The following ACTR3 variants were observed in gnomAD, a reference collection of about 807,000 sequenced individuals.
The protein encoded by ACTR3 is actin-related protein 3.
In ACTR3, 12 loss-of-function variants were observed where a neutral mutation model predicts 56.8. That is an observed-to-expected ratio of 0.21 (90% confidence interval 0.14 to 0.34). The LOEUF is 0.34. ACTR3 is among the 10% of genes least tolerant of loss of function. The probability of loss-of-function intolerance (pLI) is 1.00; values close to 1 mark genes in which losing one functional copy is unlikely to be tolerated. For synonymous variants in ACTR3, 162 were observed against 167.4 expected (o/e 0.97, Z 0.25); for missense variants, 282 against 512.5 (o/e 0.55, Z 4.34).
rs11538679 is a variant in ACTR3 at position 113,890,230 on chromosome 2, T to C, written c.-50T>C. The C allele has an allele frequency of 1.9e-6, 3 of 1,550,154 alleles. No individual in the cohort carries two copies. The highest frequency in any genetic ancestry group is 1.7e-4 in the Middle Eastern group (1 of 5,930). Reference sequence around the variant, plus strand: ...TCTCCCGCCGCCAATCTCTGGCCCCTAGCAGCACGGAGCAGACGGCGGCAG... The same window carrying C: ...TCTCCCGCCGCCAATCTCTGGCCCCCAGCAGCACGGAGCAGACGGCGGCAG... On this transcript the variant is annotated 5_prime_UTR_variant, in exon 1 of 12. Coordinates refer to ENST00000263238, the MANE Select transcript of ACTR3 (RefSeq NM_005721.5).
At chr2:113,904,768 T>G (rs1451571781) in intron 1 of ACTR3, 1 of 152,220 alleles carries the variant, frequency 6.6e-6, no homozygotes, top group African/African-American at 2.4e-5. Context: ...TGAAAGCACC[T>G]CAGTGCACTT....
intron 2 of ACTR3, among the ~76,000 whole-genome samples, chr2:113,915,406 CAT>C (rs1359534074): frequency 1.3e-5 from 2 of 152,144 alleles, no homozygotes; most frequent in Non-Finnish European, 2.9e-5. Flanking sequence ...GGACACTAGT[CAT>C]ATTGTATTAG....
chr2:113,956,349 A>G (rs2104633783), intron 11 of ACTR3, among the ~76,000 whole-genome samples: 1 of 151,940 alleles, frequency 6.6e-6, no homozygotes, highest in East Asian at 1.9e-4. Context: ...GAAGTAATTT[A>G]AATTTAATTG....
At chr2:113,895,272 T>G (rs987291810) in intron 1 of ACTR3, among the ~76,000 whole-genome samples, 2 of 152,130 alleles carry the variant, frequency 1.3e-5, no homozygotes, top group Non-Finnish European at 2.9e-5. Context: ...AGTATTATCT[T>G]TGTTTTATAG....
intron 1 of ACTR3, among the ~76,000 whole-genome samples, chr2:113,891,733 G>A (rs1191953530): frequency 1.3e-5 from 2 of 151,810 alleles, no homozygotes; most frequent in African/African-American, 4.8e-5. Context: ...TAGCTAGTGT[G>A]GCAGTTTCTA....
intron 5 of ACTR3, chr2:113,933,919 A>T (rs1388078491): frequency 2.2e-5 from 4 of 178,100 alleles, no homozygotes; most frequent in Non-Finnish European, 4.6e-5. Context: ...TGACCTCGTG[A>T]TCTGCCCGCC....
intron 1 of ACTR3, among the ~76,000 whole-genome samples, chr2:113,911,670 C>T (rs958954960): frequency 6.6e-6 from 1 of 151,546 alleles, no homozygotes; most frequent in African/African-American, 2.4e-5. Context: ...CCTCTCTCCT[C>T]GGCCTTGGCA....
rs1574368418 is a variant in ACTR3, at chr2:113,927,193, G to A, written c.226-152G>A. The A allele has an allele frequency of 1.5e-5, 7 of 462,982 alleles. No individual in the cohort carries two copies. In the East Asian group the frequency reaches 2.3e-4, roughly 15 times the overall value. 28.7% of individuals were successfully genotyped at this position (462,982 alleles called of 1,614,324 possible). A position where few individuals can be genotyped will look rare whatever the true frequency, so the allele number is the denominator to read the frequency against. On this transcript the variant is annotated intron_variant, in intron 3 of 11. Coordinates refer to ENST00000263238, the MANE Select transcript of ACTR3 (RefSeq NM_005721.5). ...AACTAATTTATCTTTAAATCCTTAAGTACACATCTTTTAAGGATGTTCTAT... is the reference window on the plus strand; with the variant it reads ...AACTAATTTATCTTTAAATCCTTAAATACACATCTTTTAAGGATGTTCTAT...
In ACTR3 at chr2:113,942,363, AT is replaced by A. The variant is rs147159854; in HGVS notation, c.858+12del. On this transcript the variant is annotated splice_donor_5th_base_variant and intron_variant, in intron 8 of 11. Transcript: ENST00000263238. Reference sequence around the variant, plus strand: ...TGAAATCTTTTTTCATCCAGAGGTAATTTTTTTTAACGGAATTGTTTAAAAG... The same window carrying A: ...TGAAATCTTTTTTCATCCAGAGGTAATTTTTTTAACGGAATTGTTTAAAAG... 97 of 1,557,932 alleles carry A rather than the reference AT, an allele frequency of 6.2e-5. No homozygotes were observed. Among genetic ancestry groups the A allele is most frequent in the Admixed American group, 1.9e-4 (9 of 48,324 alleles).
At chr2:113,944,373 G>T (rs896347204) in intron 8 of ACTR3, among the ~76,000 whole-genome samples, 4 of 152,006 alleles carry the variant, frequency 2.6e-5, no homozygotes, top group Non-Finnish European at 5.9e-5. Context: ...TTAAGTATAG[G>T]TACAGGAAAA....
intron 1 of ACTR3, among the ~76,000 whole-genome samples, chr2:113,894,068 G>A (rs1017242811): frequency 2.0e-5 from 3 of 151,808 alleles, no homozygotes; most frequent in Admixed American, 6.6e-5. Context: ...AATTCTGTGC[G>A]TATTGTTTAA....
chr2:113,912,350 T>C (rs1679323486), intron 1 of ACTR3, among the ~76,000 whole-genome samples: 1 of 152,156 alleles, frequency 6.6e-6, no homozygotes, highest in Non-Finnish European at 1.5e-5. Context: ...TTTTCCCACA[T>C]AGCTAAAAAA....
At chr2:113,934,610 G>T in intron 6 of ACTR3, 1 of 314,886 alleles carries the variant, frequency 3.2e-6, no homozygotes, top group Non-Finnish European at 5.7e-6. Context: ...ATTACAAATT[G>T]CAATATCTGG....
At chr2:113,910,329 C>T (rs565299129) in intron 1 of ACTR3, among the ~76,000 whole-genome samples, 43 of 152,230 alleles carry the variant, frequency 2.8e-4, no homozygotes, top group African/African-American at 9.9e-4. Context: ...GGGTGTGGAA[C>T]GTCTACGTCT....
intron 6 of ACTR3, among the ~76,000 whole-genome samples, chr2:113,936,558 C>T (rs755909148): frequency 6.6e-6 from 1 of 152,124 alleles, no homozygotes; most frequent in East Asian, 1.9e-4. Context: ...AATAATTATA[C>T]AACAGCTTTG....
At chr2:113,893,657 G>A (rs13024337) in intron 1 of ACTR3, among the ~76,000 whole-genome samples, 10,101 of 152,146 alleles carry the variant, frequency 0.066, 355 homozygotes, top group African/African-American at 0.079. Flanking sequence ...AAATGAGGGC[G>A]CTCCTTATTA....
chr2:113,911,154 A>G (rs577449947), intron 1 of ACTR3, among the ~76,000 whole-genome samples: 4 of 152,322 alleles, frequency 2.6e-5, no homozygotes, highest in South Asian at 4.1e-4. Context: ...GTGGCATGAA[A>G]TGAGTTGGAG....
chr2:113,940,164 G>A (rs1260110909), intron 7 of ACTR3, 62 bp downstream of exon 7: 31 of 1,451,636 alleles, frequency 2.1e-5, no homozygotes, highest in Middle Eastern at 3.5e-4. Context: ...TAACATTAAC[G>A]TGAGAAATTT....
At chr2:113,902,103 G>A (rs1445601986) in intron 1 of ACTR3, among the ~76,000 whole-genome samples, 3 of 152,012 alleles carry the variant, frequency 2.0e-5, no homozygotes, top group African/African-American at 7.2e-5. Flanking sequence ...TTGTTTTAAG[G>A]AACAAAAGAG....
Sources: gnomAD v4.1 joint callset for allele counts (sites outside exome capture counted in the v4.1 genomes callset) on GRCh38, gnomAD v4.1.1 for gene constraint, MANE v1.5 for transcripts, NCBI Gene and HGNC (gene_info 2026-07-23, HGNC 2026-07-21) for gene names.